The following RNGTT variants were observed in gnomAD, a reference collection of about 807,000 sequenced individuals.
The protein encoded by RNGTT is RNA guanylyltransferase and 5'-phosphatase.
RNGTT carries 33 observed loss-of-function variants against 79.3 expected under a neutral mutation model. That is an observed-to-expected ratio of 0.42 (90% CI 0.32 to 0.56). The LOEUF (loss-of-function observed/expected upper bound fraction) is 0.56. RNGTT is among the 20% of genes least tolerant of loss of function. RNGTT has a pLI of 0.17. For missense variants in RNGTT, 497 were observed against 739.1 expected, an observed-to-expected ratio of 0.67 and a Z score of 3.80; for synonymous variants, 222 against 235.9, an observed-to-expected ratio of 0.94 and a Z score of 0.54.
At chr6:88,891,388 G>A (rs73498475) in intron 7 of RNGTT, among the ~76,000 whole-genome samples, 4 of 152,086 alleles carry the variant, frequency 2.6e-5, no homozygotes, top group Non-Finnish European at 5.9e-5. Flanking sequence ...ACTACGAAAT[G>A]TCTGAAAGAT....
chr6:88,805,847 T>TA (rs1466990180), intron 11 of RNGTT, among the ~76,000 whole-genome samples: 1 of 152,170 alleles, frequency 6.6e-6, no homozygotes, highest in Non-Finnish European at 1.5e-5. Context: ...TACTGAAAGC[T>TA]AAACGTGAAA....
intron 11 of RNGTT, among the ~76,000 whole-genome samples, chr6:88,833,558 T>A (rs1351690353): frequency 6.6e-6 from 1 of 152,154 alleles, no homozygotes; most frequent in Non-Finnish European, 1.5e-5. Flanking sequence ...TGCACATGTA[T>A]CCCAGAACTT....
chr6:88,733,285 G>A (rs1777173565), intron 13 of RNGTT, among the ~76,000 whole-genome samples: 1 of 151,996 alleles, frequency 6.6e-6, no homozygotes, highest in African/African-American at 2.4e-5. Context: ...GATTGTTTGA[G>A]CCCAGGAGGT....
chr6:88,878,534 T>C (rs1782592667), intron 8 of RNGTT, among the ~76,000 whole-genome samples: 1 of 152,172 alleles, frequency 6.6e-6, no homozygotes, highest in Non-Finnish European at 1.5e-5. Context: ...AACTCTAAGT[T>C]TCCCCAGAAC....
intron 11 of RNGTT, among the ~76,000 whole-genome samples, chr6:88,828,383 G>A (rs546004274): frequency 1.8e-4 from 27 of 152,276 alleles, no homozygotes; most frequent in African/African-American, 6.5e-4. Context: ...AACCCCATCC[G>A]AAGGTCACCA....
At chr6:88,832,982 G>A (rs1001887167) in intron 11 of RNGTT, among the ~76,000 whole-genome samples, 3 of 152,174 alleles carry the variant, frequency 2.0e-5, no homozygotes, top group African/African-American at 2.4e-5. Context: ...TGGTGGGAGT[G>A]TAAATTAGTT....
intron 14 of RNGTT, among the ~76,000 whole-genome samples, chr6:88,637,549 A>G (rs1773143501): frequency 6.6e-6 from 1 of 152,044 alleles, no homozygotes. Context: ...CATGCAACCT[A>G]CGCTTTCTGG....
At chr6:88,759,433 T>C (rs1010653075) in intron 13 of RNGTT, among the ~76,000 whole-genome samples, 3 of 152,182 alleles carry the variant, frequency 2.0e-5, no homozygotes, top group Non-Finnish European at 4.4e-5. Flanking sequence ...GATATGCTTA[T>C]TATTACCAGG....
chr6:88,814,981 G>C (rs1367150042), intron 11 of RNGTT, among the ~76,000 whole-genome samples: 1 of 152,152 alleles, frequency 6.6e-6, no homozygotes, highest in Admixed American at 6.5e-5. Flanking sequence ...CTCAGCTACT[G>C]GGAAACGATC....
At chr6:88,805,911 G>GT (rs1285500971) in intron 11 of RNGTT, among the ~76,000 whole-genome samples, 1 of 152,136 alleles carries the variant, frequency 6.6e-6, no homozygotes, top group African/African-American at 2.4e-5. Flanking sequence ...ATAAATACAA[G>GT]TAACAGCAGC....
intron 8 of RNGTT, among the ~76,000 whole-genome samples, chr6:88,881,818 A>C (rs1363918063): frequency 6.6e-6 from 1 of 152,054 alleles, no homozygotes; most frequent in Non-Finnish European, 1.5e-5. Flanking sequence ...CTTTCAACCT[A>C]CTCCCACTGC....
At chr6:88,659,745 AAAAAC>A (rs1774113339) in intron 14 of RNGTT, among the ~76,000 whole-genome samples, 1 of 152,224 alleles carries the variant, frequency 6.6e-6, no homozygotes, top group East Asian at 1.9e-4. Context: ...AATAGTCAAT[AAAAAC>A]TTCCCTGGTC....
chr6:88,922,045 A>G (rs1267627987), intron 4 of RNGTT, among the ~76,000 whole-genome samples: 1 of 150,272 alleles, frequency 6.7e-6, no homozygotes, highest in Non-Finnish European at 1.5e-5. Context: ...CAACCACATT[A>G]ATTTTTTTTT....
rs1416112583 is a variant in RNGTT at position 88,612,902 on chromosome 6, G to A, written c.1631-20C>T. ...ACACAGCTGTGGACAAAGGGAGACA[G>A]GTCTCATGTGAGGGTTAATTAAGGC... On this transcript the variant is annotated intron_variant, in intron 15 of 15. Transcript: ENST00000369485. The A allele has an allele frequency of 6.2e-7, 1 of 1,608,636 alleles. No individual in the cohort carries two copies. Among genetic ancestry groups the A allele is most frequent in the African/African-American group, 1.3e-5 (1 of 74,780 alleles).
Position 88,844,344 on chromosome 6 carries a change from A to T in RNGTT, c.1269+13T>A. On this transcript the variant is annotated intron_variant, in intron 11 of 15. Transcript: ENST00000369485. ...CATTATTAGCACTAATTTAAAAAAA[A>T]ATTAAACTTTACCTTTCTTGAAGTA... The T allele has an allele frequency of 6.2e-7, 1 of 1,605,086 alleles. No individual in the cohort carries two copies. Among genetic ancestry groups the T allele is most frequent in the Non-Finnish European group, 8.5e-7 (1 of 1,176,764 alleles).
intron 14 of RNGTT, among the ~76,000 whole-genome samples, chr6:88,640,840 TC>T (rs1773288327): frequency 6.6e-6 from 1 of 152,110 alleles, no homozygotes. Flanking sequence ...TGTTGTAAGC[TC>T]CCAAAATAAA....
chr6:88,825,218 A>G (rs1273592558), intron 11 of RNGTT, among the ~76,000 whole-genome samples: 4 of 152,244 alleles, frequency 2.6e-5, no homozygotes, highest in African/African-American at 4.8e-5. Flanking sequence ...AATAATTGAC[A>G]CAATATCCCA....
intron 14 of RNGTT, among the ~76,000 whole-genome samples, chr6:88,618,163 G>A (rs1034868915): frequency 6.6e-6 from 1 of 152,044 alleles, no homozygotes; most frequent in African/African-American, 2.4e-5. Flanking sequence ...CTAAAAATCT[G>A]GTAAACAGAG....
rs1772077369 is a variant in RNGTT, at chr6:88,612,776, G to A, written c.1737C>T (p.Asp579=). 6.2e-7 allele frequency: 1 copy of A among 1,613,438 alleles called. No individual in the cohort carries two copies. The highest frequency in any genetic ancestry group is 8.5e-7 in the Non-Finnish European group (1 of 1,179,940). ...GTGGTGGCATGAGCTCCGTGTCAGG[G>A]TCCAGATGATGTTTTCGCTTCTGTC... is the stretch of plus-strand genomic sequence containing the variant. ...SQGQKRKHHL[D]PDTELMPPPP... is the part of the protein sequence containing the mutation. The change falls in exon 16 of 16, where the codon GAC becomes GAT. Residue 579 remains aspartate, a synonymous_variant. Coordinates refer to ENST00000369485, the MANE Select transcript of RNGTT (RefSeq NM_003800.5).
Sources: gnomAD v4.1 joint callset for allele counts (sites outside exome capture counted in the v4.1 genomes callset) on GRCh38, gnomAD v4.1.1 for gene constraint, MANE v1.5 for transcripts, NCBI Gene and HGNC (gene_info 2026-07-23, HGNC 2026-07-21) for gene names.